Variants in IQSEC2 observed in about 807,000 individuals in gnomAD.
IQSEC2 encodes IQ motif and SEC7 domain-containing protein 2.
In IQSEC2, 6 loss-of-function variants were observed where a neutral mutation model predicts 74.6. That is an observed-to-expected ratio of 0.08 (90% CI 0.04 to 0.16). The LOEUF (loss-of-function observed/expected upper bound fraction) is 0.16, where lower values mean the gene tolerates loss of function less well. Ranked by LOEUF, IQSEC2 falls within the 10% of genes least tolerant of loss-of-function variation. The pLI, the probability that IQSEC2 is intolerant of heterozygous loss-of-function variation, is 1.00. For missense variants in IQSEC2, 734 were observed against 1,306.2 expected, an observed-to-expected ratio of 0.56 and a Z score of 6.75; for synonymous variants, 494 against 544.5, an observed-to-expected ratio of 0.91 and a Z score of 1.29.
At chrX:53,290,503 G>T (rs1032511620) in intron 2 of IQSEC2, among the ~76,000 whole-genome samples, 3 of 111,685 alleles carry the variant, frequency 2.7e-5, no homozygotes, top group Non-Finnish European at 5.7e-5. Flanking sequence ...CCAAACCCAC[G>T]GTGGGACACT....
chrX:53,310,608 G>A lies in IQSEC2; in HGVS notation c.707+9809C>T, dbSNP rs137972083. Among the ~76,000 whole-genome samples, 1,022 of 110,330 alleles carry A rather than the reference G, an allele frequency of 9.3e-3. 12 individuals carry two copies. Among genetic ancestry groups the A allele is most frequent in the African/African-American group, 0.032 (970 of 30,345 alleles). On this transcript the variant is annotated intron_variant, in intron 1 of 14. Coordinates refer to ENST00000642864, the MANE Select transcript of IQSEC2 (RefSeq NM_001111125.3). Reference sequence around the variant, plus strand: ...ATCGAGCCTCAAAACAAAGACACCCGGGGTAGAGCTGCCCAGCCCAAGGTA... The same window carrying A: ...ATCGAGCCTCAAAACAAAGACACCCAGGGTAGAGCTGCCCAGCCCAAGGTA...
Position 53,239,305 on chromosome X carries a change from G to A in IQSEC2, c.3016-11C>T. ...GAAAATTTTGGTGACCTTTGGCAGG[G>A]GTGGGAAAAAGACAAGAGGCAGCGC... On this transcript the variant is annotated splice_polypyrimidine_tract_variant and intron_variant, in intron 10 of 14. Transcript: ENST00000642864. 1.7e-6 allele frequency: 2 copies of A among 1,143,563 alleles called. No individual in the cohort carries two copies. Among genetic ancestry groups the A allele is most frequent in the Non-Finnish European group, 2.4e-6 (2 of 834,776 alleles). The allele number at this position is 1,143,563 out of a possible 1,213,427, so 94.2% of individuals were successfully genotyped here.
chrX:53,245,239 G>GCAAGAC (rs2074284690), intron 8 of IQSEC2, among the ~76,000 whole-genome samples: 1 of 109,967 alleles, frequency 9.1e-6, no homozygotes, highest in African/African-American at 3.3e-5. Flanking sequence ...ACCAGCCTGG[G>GCAAGAC]CAACCTAGCA....
At chrX:53,281,714 T>C (rs1200217234) in intron 2 of IQSEC2, 3 of 439,033 alleles carry the variant, frequency 6.8e-6, no homozygotes, top group Admixed American at 4.8e-5. Context: ...TGGGAACTCC[T>C]CCTCCGAGGA....
chrX:53,245,441 A>AT (rs2074288995), intron 8 of IQSEC2, among the ~76,000 whole-genome samples: 1 of 108,851 alleles, frequency 9.2e-6, no homozygotes, highest in Non-Finnish European at 1.9e-5. Flanking sequence ...AAATAAAAAA[A>AT]AAAAAAACAA....
chrX:53,264,972 C>G (rs782607108), intron 2 of IQSEC2, among the ~76,000 whole-genome samples: 14 of 109,804 alleles, frequency 1.3e-4, no homozygotes, highest in African/African-American at 4.3e-4. Flanking sequence ...CACTATGTTG[C>G]CCAGGCTGAT....
intron 2 of IQSEC2, among the ~76,000 whole-genome samples, chrX:53,259,364 G>C: frequency 9.4e-6 from 1 of 106,398 alleles, no homozygotes; most frequent in Non-Finnish European, 1.9e-5. Flanking sequence ...AATTAGCCAG[G>C]TGTGGTGGTG....
At chrX:53,277,087 A>G (rs782436946) in intron 2 of IQSEC2, among the ~76,000 whole-genome samples, 20 of 111,367 alleles carry the variant, frequency 1.8e-4, no homozygotes, top group African/African-American at 6.5e-4. Context: ...TATGGGATGA[A>G]CTGGGAAGCT....
chrX:53,228,631 G>A (rs1409317241), downstream of IQSEC2, among the ~76,000 whole-genome samples: 1 of 111,744 alleles, frequency 8.9e-6, no homozygotes, highest in Non-Finnish European at 1.9e-5. Context: ...ACTTTTTTTG[G>A]TTTGTAAAAT....
At chrX:53,302,886 T>C (rs2075224680) in intron 1 of IQSEC2, among the ~76,000 whole-genome samples, 1 of 110,823 alleles carries the variant, frequency 9.0e-6, no homozygotes, top group African/African-American at 3.3e-5. Flanking sequence ...CTGGGCAACA[T>C]AGCAAAACTC....
intron 5 of IQSEC2, 79 bp downstream of exon 5, chrX:53,250,200 T>C: frequency 2.0e-6 from 2 of 1,001,491 alleles, no homozygotes; most frequent in Admixed American, 2.2e-5. Flanking sequence ...GGGATCACTG[T>C]GTGGAGTTCT....
chrX:53,315,820 C>T (rs888569239), intron 1 of IQSEC2, among the ~76,000 whole-genome samples: 2 of 111,975 alleles, frequency 1.8e-5, no homozygotes, highest in Non-Finnish European at 1.9e-5. Flanking sequence ...CTTTACTCTG[C>T]GCCCAGCAAA....
At chrX:53,281,142 CAG>C (rs2074954309) in intron 2 of IQSEC2, among the ~76,000 whole-genome samples, 1 of 112,642 alleles carries the variant, frequency 8.9e-6, no homozygotes, top group African/African-American at 3.2e-5. Flanking sequence ...ATCTGAGACT[CAG>C]AGACTCTTAG....
chrX:53,269,330 A>G (rs1162889759), intron 2 of IQSEC2, among the ~76,000 whole-genome samples: 1 of 110,351 alleles, frequency 9.1e-6, no homozygotes, highest in African/African-American at 3.3e-5. Flanking sequence ...TCTTTCACCA[A>G]TCCCCCAATA....
chrX:53,238,879 T>C (rs1307161229), intron 11 of IQSEC2, among the ~76,000 whole-genome samples: 3 of 110,591 alleles, frequency 2.7e-5, no homozygotes, highest in Non-Finnish European at 3.8e-5. Flanking sequence ...TCAACTCACA[T>C]TGCTTCTGCT....
At position 53,254,799 on chromosome X, in the gene IQSEC2, G is replaced by T; in HGVS notation, c.1132C>A (p.Arg378Ser). Residue 378 changes from arginine to serine, a missense_variant, in exon 4 of 15, where the codon CGC (arginine) becomes AGC (serine). Physicochemically the swap from Arg to Ser is moderately radical, Grantham distance 110. Transcript: ENST00000642864. ...GAAAGGATGATGCGGCGGGACATGC[G>T]GCTCTCTGAGGCTGAGCTGCGTAGC... ...ERLRSSASES[R>S]MSRRIILSNM... 1.7e-6 allele frequency: 2 copies of T among 1,202,726 alleles called. No homozygotes were observed. Among genetic ancestry groups the T allele is most frequent in the Non-Finnish European group, 2.2e-6 (2 of 890,780 alleles).
chrX:53,286,577 C>T (rs1556871783), intron 2 of IQSEC2, among the ~76,000 whole-genome samples: 1 of 111,585 alleles, frequency 9.0e-6, no homozygotes, highest in Non-Finnish European at 1.9e-5. Context: ...GGTCACATAG[C>T]TTCCAGGTTG....
intron 2 of IQSEC2, among the ~76,000 whole-genome samples, chrX:53,289,344 C>T (rs182747796): frequency 2.7e-5 from 3 of 111,202 alleles, no homozygotes; most frequent in African/African-American, 9.8e-5. Flanking sequence ...ACTTCCCCAG[C>T]TCCCCACTGA....
At position 53,243,467 on chromosome X, in the gene IQSEC2, A is replaced by T; in HGVS notation, c.2754T>A (p.Val918=). The change falls in exon 9 of 15, where the codon GTT becomes GTA. Residue 918 remains valine, a synonymous_variant. Transcript: ENST00000642864. ...LDDFIKNLRG[V]DNGEDIPRDL... is the part of the protein sequence containing the mutation. Reference sequence around the variant, plus strand: ...CTCGGGGGATGTCTTCACCATTGTCAACCCCTGGGGGAGGGAGTAACACAG... The same window carrying T: ...CTCGGGGGATGTCTTCACCATTGTCTACCCCTGGGGGAGGGAGTAACACAG... The T allele has an allele frequency of 8.5e-7, 1 of 1,174,739 alleles. No homozygotes were observed. The highest frequency in any genetic ancestry group is 1.1e-6 in the Non-Finnish European group (1 of 875,786).
Sources: gnomAD v4.1 joint callset for allele counts (sites outside exome capture counted in the v4.1 genomes callset) on GRCh38, gnomAD v4.1.1 for gene constraint, MANE v1.5 for transcripts, NCBI Gene and HGNC (gene_info 2026-07-23, HGNC 2026-07-21) for gene names.